The following PLA2G12B variants were observed in gnomAD, a reference collection of about 807,000 sequenced individuals.
The protein encoded by PLA2G12B is group XIIB secretory phospholipase A2-like protein.
In PLA2G12B, 19 loss-of-function variants were observed where a neutral mutation model predicts 22.3. The observed-to-expected ratio is 0.85, with a 90% CI of 0.60 to 1.25. The LOEUF (loss-of-function observed/expected upper bound fraction) is 1.25. PLA2G12B is among the 50% of genes most tolerant of loss of function. The pLI, the probability that PLA2G12B is intolerant of heterozygous loss-of-function variation, is 0.00. For missense variants in PLA2G12B, 191 were observed against 246.6 expected, an observed-to-expected ratio of 0.77 and a Z score of 1.51; for synonymous variants, 81 against 94.9, an observed-to-expected ratio of 0.85 and a Z score of 0.85.
rs1846267196 is a variant in PLA2G12B at position 72,935,560 on chromosome 10, A to G, written c.*57T>C. ...AGTCACGCTGACTCGAAGACTTGAC[A>G]TCTTGAAGGCTGACAGCTGTGGTGT... On this transcript the variant is annotated 3_prime_UTR_variant, in exon 4 of 4. Coordinates refer to ENST00000373032, the MANE Select transcript of PLA2G12B (RefSeq NM_032562.5). 1.1e-5 allele frequency: 18 copies of G among 1,602,340 alleles called. No individual in the cohort carries two copies. Among genetic ancestry groups the G allele is most frequent in the Non-Finnish European group, 1.4e-5 (16 of 1,173,272 alleles).
At chr10:72,953,408 T>C (rs1183948202) in intron 1 of PLA2G12B, among the ~76,000 whole-genome samples, 1 of 152,172 alleles carries the variant, frequency 6.6e-6, no homozygotes, top group African/African-American at 2.4e-5. Context: ...TTTTTGTGCA[T>C]CTCTTCAAAG....
chr10:72,943,041 C>G (rs1846387376), intron 1 of PLA2G12B, among the ~76,000 whole-genome samples: 1 of 151,596 alleles, frequency 6.6e-6, no homozygotes, highest in South Asian at 2.1e-4. Context: ...TCTTGGCTCA[C>G]TGCAACCTCC....
In PLA2G12B at chr10:72,954,418, G is replaced by A. The variant is rs1478339538; in HGVS notation, c.211+57C>T. On this transcript the variant is annotated intron_variant, in intron 1 of 3. Transcript: ENST00000373032. ...GCAAGACAGATCGTGACCTCTCTGG[G>A]GCTGTCCATGGGTCCACCAGCAACA... is the stretch of plus-strand genomic sequence containing the variant. The A allele has an allele frequency of 1.9e-6, 3 of 1,606,770 alleles. No individual in the cohort carries two copies. In the East Asian group the frequency reaches 6.7e-5, roughly 36 times the overall value.
intron 1 of PLA2G12B, among the ~76,000 whole-genome samples, chr10:72,953,899 T>C (rs1352962470): frequency 6.6e-6 from 1 of 152,196 alleles, no homozygotes; most frequent in Non-Finnish European, 1.5e-5. Context: ...GACAGCTCCC[T>C]TGAGAAAGTC....
intron 3 of PLA2G12B, among the ~76,000 whole-genome samples, chr10:72,938,241 A>T (rs557184166): frequency 6.6e-6 from 1 of 152,344 alleles, no homozygotes; most frequent in Admixed American, 6.5e-5. Flanking sequence ...GCTAACAATC[A>T]TTCTCAATGG....
chr10:72,944,859 C>T (rs1846415779), intron 1 of PLA2G12B, among the ~76,000 whole-genome samples: 1 of 152,208 alleles, frequency 6.6e-6, no homozygotes, highest in Non-Finnish European at 1.5e-5. Context: ...TCCATATTAC[C>T]TGTAGCAGGA....
intron 1 of PLA2G12B, among the ~76,000 whole-genome samples, chr10:72,945,335 G>T (rs749339760): frequency 6.6e-6 from 1 of 152,022 alleles, no homozygotes; most frequent in Non-Finnish European, 1.5e-5. Flanking sequence ...CTCTCTCACC[G>T]TTCACTCTAG....
Position 72,941,314 on chromosome 10 carries a change from T to G in PLA2G12B, c.321A>C (p.Ala107=), listed in dbSNP as rs1846357191. The change falls in exon 3 of 4, where the codon GCA becomes GCC. Residue 107 remains alanine, a synonymous_variant. Transcript: ENST00000373032. ...CCAGCTGGTTGCAGCACTTTGTCATTGCTGGAATGCCCAAGTCCATCTGGG... is the reference window on the plus strand; with the variant it reads ...CCAGCTGGTTGCAGCACTTTGTCATGGCTGGAATGCCCAAGTCCATCTGGG... ...VPESMDLGIP[A]MTKCCNQLDV... 6.2e-7 allele frequency: 1 copy of G among 1,613,712 alleles called. No individual in the cohort carries two copies. Among genetic ancestry groups the G allele is most frequent in the Non-Finnish European group, 8.5e-7 (1 of 1,179,740 alleles).
chr10:72,944,833 C>T (rs1474939429), intron 1 of PLA2G12B, among the ~76,000 whole-genome samples: 1 of 152,196 alleles, frequency 6.6e-6, no homozygotes, highest in Non-Finnish European at 1.5e-5. Context: ...TCTAAGATGG[C>T]ATTTCAGCCA....
chr10:72,940,257 A>C (rs1846338651), intron 3 of PLA2G12B, among the ~76,000 whole-genome samples: 2 of 152,104 alleles, frequency 1.3e-5, no homozygotes, highest in Non-Finnish European at 2.9e-5. Context: ...ATCAGCCTAC[A>C]TTTCAACTCT....
intron 1 of PLA2G12B, among the ~76,000 whole-genome samples, chr10:72,947,382 A>G (rs1846461158): frequency 6.6e-6 from 1 of 151,920 alleles, no homozygotes; most frequent in Non-Finnish European, 1.5e-5. Context: ...TGGGACTACA[A>G]GTGCTGTCAC....
chr10:72,944,879 T>C (rs1268814972), intron 1 of PLA2G12B, among the ~76,000 whole-genome samples: 1 of 152,010 alleles, frequency 6.6e-6, no homozygotes, highest in Non-Finnish European at 1.5e-5. Flanking sequence ...ATGGCAGGAG[T>C]TGGAAGGGTC....
intron 1 of PLA2G12B, among the ~76,000 whole-genome samples, chr10:72,944,196 G>A (rs1335586189): frequency 6.6e-6 from 1 of 151,964 alleles, no homozygotes; most frequent in African/African-American, 2.4e-5. Flanking sequence ...GAAACAAACA[G>A]CCATGTACCA....
chr10:72,934,791 G>A lies in PLA2G12B; in HGVS notation c.*826C>T, dbSNP rs1051618902. ...GATCCTCAGGTGATTCTAATCCATA[G>A]TTAGGCTTGAGACCCGCAAGTTAGG... is the stretch of plus-strand genomic sequence containing the variant. On this transcript the variant is annotated 3_prime_UTR_variant, in exon 4 of 4. Coordinates refer to ENST00000373032, the MANE Select transcript of PLA2G12B (RefSeq NM_032562.5). Among the ~76,000 whole-genome samples, 1 of 152,168 alleles carries A rather than the reference G, an allele frequency of 6.6e-6. No individual in the cohort carries two copies.
intron 1 of PLA2G12B, among the ~76,000 whole-genome samples, chr10:72,949,114 T>G (rs1007815152): frequency 7.9e-5 from 12 of 152,154 alleles, no homozygotes; most frequent in Middle Eastern, 3.2e-3. Flanking sequence ...AAGGTACATC[T>G]GCAGCAAACC....
intron 3 of PLA2G12B, among the ~76,000 whole-genome samples, chr10:72,937,781 AC>A (rs537027774): frequency 1.1e-3 from 171 of 152,310 alleles, no homozygotes; most frequent in Non-Finnish European, 2.0e-3. Context: ...AACAAATACC[AC>A]ATGATCATCT....
intron 1 of PLA2G12B, among the ~76,000 whole-genome samples, chr10:72,945,839 G>C (rs1383578180): frequency 6.6e-6 from 1 of 151,962 alleles, no homozygotes; most frequent in Non-Finnish European, 1.5e-5. Context: ...GTAGAGATGG[G>C]GTTTCACCAT....
At chr10:72,937,068 A>G (rs1013421716) in intron 3 of PLA2G12B, among the ~76,000 whole-genome samples, 3 of 152,102 alleles carry the variant, frequency 2.0e-5, no homozygotes, top group Admixed American at 1.3e-4. Context: ...AAAATTAGCC[A>G]GGCGTGGTGG....
intron 3 of PLA2G12B, among the ~76,000 whole-genome samples, chr10:72,936,330 C>T (rs1337284982): frequency 3.9e-5 from 6 of 152,052 alleles, no homozygotes; most frequent in Non-Finnish European, 7.4e-5. Flanking sequence ...TATGGAAGCC[C>T]ACAGAAAGGG....
Sources: gnomAD v4.1 joint callset for allele counts (sites outside exome capture counted in the v4.1 genomes callset) on GRCh38, gnomAD v4.1.1 for gene constraint, MANE v1.5 for transcripts, NCBI Gene and HGNC (gene_info 2026-07-23, HGNC 2026-07-21) for gene names.